Variants in PTPRN2 observed in about 807,000 individuals in gnomAD.
PTPRN2 encodes protein tyrosine phosphatase receptor type N2.
In PTPRN2, 74 loss-of-function variants were observed where a neutral mutation model predicts 118.8. That is an observed-to-expected ratio of 0.62 (90% CI 0.52 to 0.76). The LOEUF (loss-of-function observed/expected upper bound fraction) is 0.76, where lower values mean the gene tolerates loss of function less well. Among genes scored for constraint, PTPRN2 ranks in the 30% least tolerant of loss-of-function variants. PTPRN2 has a pLI of 0.00. For missense variants in PTPRN2, 1,481 were observed against 1,394.4 expected (o/e 1.06, Z -0.99); for synonymous variants, 641 against 608.0 (o/e 1.05, Z -0.80).
chr7:158,447,818 G>C (rs1055892578), intron 2 of PTPRN2, among the ~76,000 whole-genome samples: 2 of 152,226 alleles, frequency 1.3e-5, no homozygotes, highest in African/African-American at 2.4e-5. Flanking sequence ...AGCCGAGAGC[G>C]GGGGCAGTGC....
chr7:157,712,404 C>A (rs117617416), intron 12 of PTPRN2, among the ~76,000 whole-genome samples: 2 of 152,112 alleles, frequency 1.3e-5, no homozygotes, highest in Admixed American at 6.5e-5. Flanking sequence ...CAAGTGACCA[C>A]GAAGTCTCTG....
At chr7:157,770,241 A>G (rs1315907162) in intron 12 of PTPRN2, among the ~76,000 whole-genome samples, 1 of 152,252 alleles carries the variant, frequency 6.6e-6, no homozygotes. Context: ...AGCAGAGTTT[A>G]TGTAGATAGA....
chr7:158,070,859 CGTG>C (rs1317391868), intron 11 of PTPRN2, among the ~76,000 whole-genome samples: 2 of 99,614 alleles, frequency 2.0e-5, no homozygotes, highest in African/African-American at 4.6e-5. Flanking sequence ...TGGAGGTGCC[CGTG>C]GTGGTGGTGG....
chr7:158,141,096 C>T (rs1034714111), intron 6 of PTPRN2, among the ~76,000 whole-genome samples: 1 of 152,134 alleles, frequency 6.6e-6, no homozygotes, highest in Non-Finnish European at 1.5e-5. Context: ...TCACCACGAC[C>T]CTCCACCCTA....
intron 9 of PTPRN2, among the ~76,000 whole-genome samples, chr7:158,117,670 C>T (rs1419760872): frequency 6.6e-6 from 1 of 152,014 alleles, no homozygotes; most frequent in South Asian, 2.1e-4. Context: ...CATTTGAAAG[C>T]AGCAAGAAAG....
intron 12 of PTPRN2, among the ~76,000 whole-genome samples, chr7:157,867,827 G>A (rs902526751): frequency 6.6e-6 from 1 of 152,182 alleles, no homozygotes; most frequent in Non-Finnish European, 1.5e-5. Flanking sequence ...GCATGGGCCC[G>A]AGGAGCTGGT....
chr7:158,280,949 A>G (rs1216383151), intron 3 of PTPRN2, among the ~76,000 whole-genome samples: 1 of 152,238 alleles, frequency 6.6e-6, no homozygotes, highest in Non-Finnish European at 1.5e-5. Context: ...AACATAGGCT[A>G]GCGAGAGTCT....
At chr7:157,569,111 G>C in intron 20 of PTPRN2, 145 bp from the exon 21 acceptor site, 1 of 804,636 alleles carries the variant, frequency 1.2e-6, no homozygotes, top group Non-Finnish European at 2.1e-6. Flanking sequence ...GAGGAAGGAC[G>C]CGGGCTGGGA....
At chr7:158,469,367 A>C (rs142406467) in intron 2 of PTPRN2, among the ~76,000 whole-genome samples, 1 of 152,128 alleles carries the variant, frequency 6.6e-6, no homozygotes, top group East Asian at 1.9e-4. Flanking sequence ...TTTGAACCCC[A>C]GGAGGGGGAG....
chr7:158,130,893 C>A (rs892338115), intron 9 of PTPRN2, among the ~76,000 whole-genome samples: 1 of 135,748 alleles, frequency 7.4e-6, no homozygotes, highest in Non-Finnish European at 1.5e-5. Flanking sequence ...ACGCACAAAC[C>A]GATACACATC....
At chr7:157,737,572 C>T (rs1046973213) in intron 12 of PTPRN2, among the ~76,000 whole-genome samples, 3 of 152,248 alleles carry the variant, frequency 2.0e-5, no homozygotes, top group African/African-American at 4.8e-5. Flanking sequence ...AGTTCCCATC[C>T]CCTGGCCTGG....
chr7:158,508,603 G>A (rs113963123), intron 1 of PTPRN2, among the ~76,000 whole-genome samples: 208 of 149,926 alleles, frequency 1.4e-3, no homozygotes, highest in African/African-American at 4.8e-3. Context: ...TGTGGGTGTC[G>A]GGGCAACGTG....
chr7:157,957,207 T>C (rs1801241062), intron 11 of PTPRN2, among the ~76,000 whole-genome samples: 1 of 152,178 alleles, frequency 6.6e-6, no homozygotes, highest in Non-Finnish European at 1.5e-5. Context: ...TCCCCACAAA[T>C]TCATCTGATG....
intron 12 of PTPRN2, among the ~76,000 whole-genome samples, chr7:157,851,178 G>T (rs745506609): frequency 6.6e-6 from 1 of 152,194 alleles, no homozygotes; most frequent in Admixed American, 6.5e-5. Context: ...TCTAACGAGG[G>T]TGCATTTTAT....
At chr7:158,160,137 G>A (rs13242553) in intron 6 of PTPRN2, among the ~76,000 whole-genome samples, 2,551 of 152,312 alleles carry the variant, frequency 0.017, 32 homozygotes, top group Middle Eastern at 0.034. Context: ...TTGACAAGGG[G>A]TGAAACTGTA....
At chr7:157,776,310 TTCCTCCCTCTCCTCC>T (rs1563096299) in intron 12 of PTPRN2, among the ~76,000 whole-genome samples, 2 of 72,618 alleles carry the variant, frequency 2.8e-5, no homozygotes, top group African/African-American at 1.1e-4. Context: ...CCCTCTCCTC[TTCCTCCCTCTCCTCC>T]TCCTCCATCT....
chr7:158,102,496 C>A (rs1815311374), intron 10 of PTPRN2, among the ~76,000 whole-genome samples: 1 of 152,168 alleles, frequency 6.6e-6, no homozygotes, highest in African/African-American at 2.4e-5. Context: ...CCTCAAATGT[C>A]CCTGAGGACA....
chr7:157,904,937 G>A (rs1052337204), intron 11 of PTPRN2, among the ~76,000 whole-genome samples: 31 of 152,024 alleles, frequency 2.0e-4, no homozygotes, highest in African/African-American at 6.3e-4. Context: ...CGTGGTCCCC[G>A]GCATCCTGTG....
At chr7:158,345,140 C>T (rs915188327) in intron 2 of PTPRN2, among the ~76,000 whole-genome samples, 2 of 152,172 alleles carry the variant, frequency 1.3e-5, no homozygotes, top group African/African-American at 2.4e-5. Flanking sequence ...CCACAGTCCA[C>T]GTGACTGATG....
Sources: allele counts gnomAD v4.1 joint callset (sites outside exome capture counted in the v4.1 genomes callset), GRCh38; gene constraint gnomAD v4.1.1; transcripts MANE v1.5; gene names NCBI Gene and HGNC (gene_info 2026-07-23, HGNC 2026-07-21).